Variants in TSPAN5 observed in about 807,000 individuals in gnomAD.
The protein encoded by TSPAN5 is tetraspanin 5.
TSPAN5 carries 10 observed loss-of-function variants against 37.1 expected under a neutral mutation model. That is an observed-to-expected ratio of 0.27 (90% CI 0.17 to 0.46). The LOEUF (loss-of-function observed/expected upper bound fraction) is 0.46. Ranked by LOEUF, TSPAN5 falls within the 20% of genes least tolerant of loss-of-function variation. TSPAN5 has a pLI of 1.00. For synonymous variants in TSPAN5, 110 were observed against 118.9 expected, an observed-to-expected ratio of 0.93 and a Z score of 0.48; for missense variants, 195 against 326.6, an observed-to-expected ratio of 0.60 and a Z score of 3.11.
chr4:98,490,890 G>A (rs913023621), intron 2 of TSPAN5, among the ~76,000 whole-genome samples: 2 of 151,850 alleles, frequency 1.3e-5, no homozygotes, highest in African/African-American at 2.4e-5. Flanking sequence ...GAAACCCCCC[G>A]TCTCTACTAA....
At chr4:98,591,077 GTTT>G (rs550920505) in intron 1 of TSPAN5, among the ~76,000 whole-genome samples, 1 of 138,126 alleles carries the variant, frequency 7.2e-6, no homozygotes, top group Non-Finnish European at 1.6e-5. Context: ...TTGTTTTTTT[GTTT>G]TTTTTTTTTA....
chr4:98,539,129 C>G (rs767489131), intron 1 of TSPAN5, among the ~76,000 whole-genome samples: 9 of 136,604 alleles, frequency 6.6e-5, no homozygotes, highest in Non-Finnish European at 1.2e-4. Context: ...ATGCTTCTCC[C>G]CCTCACCCCC....
chr4:98,655,093 C>T (rs919525784), intron 1 of TSPAN5, among the ~76,000 whole-genome samples: 1 of 152,210 alleles, frequency 6.6e-6, no homozygotes, highest in African/African-American at 2.4e-5. Flanking sequence ...GATCCGTCCA[C>T]CTCAGCCTCC....
chr4:98,486,592 GCT>G, intron 3 of TSPAN5, 144 bp downstream of exon 3: 1 of 824,092 alleles, frequency 1.2e-6, no homozygotes, highest in Non-Finnish European at 2.0e-6. Flanking sequence ...GGGCTAGAGA[GCT>G]CTCTCAAAAG....
At chr4:98,515,061 T>C (rs1263329371) in intron 1 of TSPAN5, among the ~76,000 whole-genome samples, 7 of 150,862 alleles carry the variant, frequency 4.6e-5, no homozygotes, top group Non-Finnish European at 1.0e-4. Context: ...ACAAAAGAGG[T>C]GAAGGAGTGA....
At chr4:98,497,710 A>G (rs552019059) in intron 2 of TSPAN5, among the ~76,000 whole-genome samples, 2,913 of 49,584 alleles carry the variant, frequency 0.059, 106 homozygotes, top group African/African-American at 0.22. Context: ...TATGTCAGTC[A>G]AGGGTTATTT....
chr4:98,489,851 C>A (rs997606612), intron 2 of TSPAN5, among the ~76,000 whole-genome samples: 2 of 152,158 alleles, frequency 1.3e-5, no homozygotes, highest in African/African-American at 4.8e-5. Context: ...GAACAAGAGG[C>A]TTGCCGCCAC....
intron 1 of TSPAN5, among the ~76,000 whole-genome samples, chr4:98,637,347 C>T (rs1261531926): frequency 6.6e-6 from 1 of 152,168 alleles, no homozygotes; most frequent in African/African-American, 2.4e-5. Flanking sequence ...ACAGATACTT[C>T]CCCATTAACA....
chr4:98,504,301 G>A (rs1753423914), intron 2 of TSPAN5, among the ~76,000 whole-genome samples: 1 of 152,120 alleles, frequency 6.6e-6, no homozygotes. Flanking sequence ...CAGCTCAGCA[G>A]GTGCAGTGTT....
chr4:98,502,471 A>G (rs1457191813), intron 2 of TSPAN5, among the ~76,000 whole-genome samples: 5 of 152,178 alleles, frequency 3.3e-5, no homozygotes, highest in Admixed American at 3.3e-4. Context: ...ATATCCTGGA[A>G]GCCAAGTGAG....
chr4:98,478,438 A>T (rs1395842534), intron 5 of TSPAN5, among the ~76,000 whole-genome samples: 1 of 152,234 alleles, frequency 6.6e-6, no homozygotes, highest in Non-Finnish European at 1.5e-5. Flanking sequence ...GCCAGTAGGA[A>T]TGTGCCCAAC....
chr4:98,476,544 G>A (rs1176188648), intron 5 of TSPAN5, 84 bp from the exon 6 acceptor site: 12 of 1,268,824 alleles, frequency 9.5e-6, no homozygotes, highest in South Asian at 3.7e-5. Flanking sequence ...CTTCTGTTAC[G>A]CATTAGTAAT....
At chr4:98,489,057 C>A (rs1753032046) in intron 2 of TSPAN5, among the ~76,000 whole-genome samples, 1 of 152,136 alleles carries the variant, frequency 6.6e-6, no homozygotes, top group South Asian at 2.1e-4. Context: ...TTTGGGGATA[C>A]ATGAAGACAT....
At chr4:98,639,597 C>T (rs1756923038) in intron 1 of TSPAN5, among the ~76,000 whole-genome samples, 3 of 151,692 alleles carry the variant, frequency 2.0e-5, no homozygotes, top group Admixed American at 1.3e-4. Context: ...GCTGGGATCA[C>T]AGGCATAAGC....
intron 1 of TSPAN5, among the ~76,000 whole-genome samples, chr4:98,555,639 T>C (rs1754725004): frequency 6.6e-6 from 1 of 152,182 alleles, no homozygotes; most frequent in South Asian, 2.1e-4. Flanking sequence ...AAAAATTGGC[T>C]GTATGAATGA....
At chr4:98,637,316 G>A (rs1756877988) in intron 1 of TSPAN5, among the ~76,000 whole-genome samples, 1 of 152,098 alleles carries the variant, frequency 6.6e-6, no homozygotes, top group African/African-American at 2.4e-5. Context: ...GCGGCCCTCA[G>A]GGATAAGAGG....
In TSPAN5 at chr4:98,524,960, G is replaced by A. The variant is rs573232595; in HGVS notation, c.82-17232C>T. On this transcript the variant is annotated intron_variant, in intron 1 of 7. Transcript: ENST00000305798. The stretch of plus-strand genomic sequence containing the variant: ...TATTTCTGATATGTATTTTATCAAG[G>A]TATTGTCCCAAGAGAGATGTTTCTA... Among the ~76,000 whole-genome samples the A allele has an allele frequency of 8.0e-4, 121 of 151,994 alleles. 1 individual carries two copies. The highest frequency in any genetic ancestry group is 1.6e-3 in the Non-Finnish European group (110 of 68,004).
chr4:98,578,331 T>C (rs985974198), intron 1 of TSPAN5, among the ~76,000 whole-genome samples: 10 of 152,212 alleles, frequency 6.6e-5, no homozygotes, highest in Non-Finnish European at 1.2e-4. Context: ...TGGAATGATA[T>C]TCAGTTTGTC....
Position 98,600,474 on chromosome 4 carries a change from A to G in TSPAN5, c.81+57672T>C, listed in dbSNP as rs145748288. Among the ~76,000 whole-genome samples, 165 of 152,312 alleles carry G rather than the reference A, an allele frequency of 1.1e-3. 1 individual carries two copies. The highest frequency in any genetic ancestry group is 3.0e-3 in the Admixed American group (46 of 15,302). ...CAACTAAGTTTATGGAATATTCTAA[A>G]TCCTTTGCTGTCGTTTCAACAATGT... On this transcript the variant is annotated intron_variant, in intron 1 of 7. Transcript: ENST00000305798.
Sources: allele counts gnomAD v4.1 joint callset (sites outside exome capture counted in the v4.1 genomes callset), GRCh38; gene constraint gnomAD v4.1.1; transcripts MANE v1.5; gene names NCBI Gene and HGNC (gene_info 2026-07-23, HGNC 2026-07-21).